CPNE8: variants seen among roughly 807,000 people sequenced by gnomAD.
The protein encoded by CPNE8 is copine-8.
A neutral mutation model predicts 81.5 loss-of-function variants in CPNE8; 45 were observed. That is an observed-to-expected ratio of 0.55 (90% confidence interval 0.44 to 0.71). CPNE8 has a LOEUF of 0.71. CPNE8 is among the 30% of genes least tolerant of loss of function. CPNE8 has a pLI of 0.00. For synonymous variants in CPNE8, 252 were observed against 226.3 expected (o/e 1.11, Z -1.02); for missense variants, 594 against 672.1 (o/e 0.88, Z 1.28).
intron 10 of CPNE8, among the ~76,000 whole-genome samples, chr12:38,739,112 T>G (rs1941028267): frequency 6.6e-6 from 1 of 152,164 alleles, no homozygotes; most frequent in Non-Finnish European, 1.5e-5. Flanking sequence ...ACGCCCAGCC[T>G]AAAATTACTT....
intron 1 of CPNE8, among the ~76,000 whole-genome samples, chr12:38,875,124 A>G (rs1276865437): frequency 2.1e-4 from 32 of 152,106 alleles, no homozygotes; most frequent in Non-Finnish European, 2.9e-5. Flanking sequence ...TTTTTTCCAG[A>G]TATTTCTAAA....
At chr12:38,791,329 C>T (rs1216998116) in intron 6 of CPNE8, among the ~76,000 whole-genome samples, 1 of 151,378 alleles carries the variant, frequency 6.6e-6, no homozygotes, top group East Asian at 1.9e-4. Flanking sequence ...TTAGCTTTAA[C>T]TTATGAAACA....
At chr12:38,795,992 T>C (rs1227453546) in intron 6 of CPNE8, among the ~76,000 whole-genome samples, 1 of 152,028 alleles carries the variant, frequency 6.6e-6, no homozygotes, top group Non-Finnish European at 1.5e-5. Flanking sequence ...CCAGGAACGG[T>C]GGTCACGCCT....
At chr12:38,739,056 C>T (rs1409051521) in intron 10 of CPNE8, among the ~76,000 whole-genome samples, 1 of 152,084 alleles carries the variant, frequency 6.6e-6, no homozygotes, top group Non-Finnish European at 1.5e-5. Flanking sequence ...CAAGAGATCG[C>T]CTGCCTTGGC....
At chr12:38,712,001 C>T (rs1002793442) in intron 13 of CPNE8, among the ~76,000 whole-genome samples, 9 of 152,044 alleles carry the variant, frequency 5.9e-5, no homozygotes, top group African/African-American at 2.2e-4. Context: ...CTACTCAGCA[C>T]CACAGAGTTT....
intron 15 of CPNE8, 50 bp downstream of exon 15, chr12:38,693,607 G>T (rs1939726630): frequency 1.4e-6 from 2 of 1,477,650 alleles, no homozygotes; most frequent in Non-Finnish European, 9.3e-7. Context: ...AATATTAAAA[G>T]GTCTAACATT....
At chr12:38,776,721 G>T (rs1050923264) in intron 6 of CPNE8, among the ~76,000 whole-genome samples, 1 of 151,958 alleles carries the variant, frequency 6.6e-6, no homozygotes, top group African/African-American at 2.4e-5. Context: ...TAATGTAATA[G>T]TTATGCATCA....
chr12:38,830,795 T>C (rs1271854219), intron 5 of CPNE8, among the ~76,000 whole-genome samples: 1 of 152,186 alleles, frequency 6.6e-6, no homozygotes, highest in East Asian at 1.9e-4. Context: ...ATTTCTCAGA[T>C]AAGGGAACTG....
chr12:38,824,834 G>C (rs17126711), intron 6 of CPNE8, among the ~76,000 whole-genome samples: 1,643 of 152,238 alleles, frequency 0.011, 23 homozygotes, highest in South Asian at 0.04. Context: ...CATCCAGATA[G>C]GGAAAATCAC....
At chr12:38,867,337 T>TGAGAGA (rs1442950706) in intron 3 of CPNE8, among the ~76,000 whole-genome samples, 3 of 137,158 alleles carry the variant, frequency 2.2e-5, no homozygotes, top group Non-Finnish European at 4.6e-5. Flanking sequence ...TGTGTGTGTG[T>TGAGAGA]GTGAGAGAGA....
intron 6 of CPNE8, among the ~76,000 whole-genome samples, chr12:38,784,599 G>T (rs185403940): frequency 2.8e-4 from 42 of 152,162 alleles, no homozygotes; most frequent in Admixed American, 2.6e-3. Flanking sequence ...CAAAGGTTAA[G>T]GATAAAGGAA....
chr12:38,902,256 AAAAG>A (rs1230489833), intron 1 of CPNE8, among the ~76,000 whole-genome samples: 3 of 26,972 alleles, frequency 1.1e-4, no homozygotes, highest in Non-Finnish European at 2.1e-4. Flanking sequence ...AAAGAAAGAA[AAAAG>A]AAAGAAAGAA....
At chr12:38,864,678 C>T (rs897750851) in intron 3 of CPNE8, among the ~76,000 whole-genome samples, 1 of 152,100 alleles carries the variant, frequency 6.6e-6, no homozygotes, top group Non-Finnish European at 1.5e-5. Context: ...CATCTCAAAC[C>T]ATATACAAAA....
chr12:38,776,259 T>G lies in CPNE8; in HGVS notation c.450A>C (p.Ala150=). 6.4e-7 allele frequency: 1 copy of G among 1,554,350 alleles called. No homozygotes were observed. The highest frequency in any genetic ancestry group is 8.7e-7 in the Non-Finnish European group (1 of 1,143,202). The part of the protein sequence containing the change: ...GKKCGTIILT[A]EELNCCRDAV... Reference sequence around the variant, plus strand: ...TTACCCTGCAACAGTTTAATTCCTCTGCTGTAAGTATGATTGTACCACATT... The same window carrying G: ...TTACCCTGCAACAGTTTAATTCCTCGGCTGTAAGTATGATTGTACCACATT... The change falls in exon 7 of 20, where the codon GCA becomes GCC. Residue 150 remains alanine, a synonymous_variant. Transcript: ENST00000331366.
chr12:38,877,024 A>G (rs1033502942), intron 1 of CPNE8, among the ~76,000 whole-genome samples: 1 of 152,194 alleles, frequency 6.6e-6, no homozygotes. Flanking sequence ...GGGCTCAGAG[A>G]AAGTGAGTGA....
intron 5 of CPNE8, among the ~76,000 whole-genome samples, chr12:38,837,281 A>C (rs1321250459): frequency 6.6e-6 from 1 of 152,118 alleles, no homozygotes; most frequent in Admixed American, 6.5e-5. Flanking sequence ...TTTCTAACTG[A>C]GTAAACTGTG....
intron 5 of CPNE8, among the ~76,000 whole-genome samples, chr12:38,835,188 G>A (rs938680951): frequency 1.1e-4 from 16 of 152,022 alleles, no homozygotes; most frequent in Non-Finnish European, 1.9e-4. Flanking sequence ...CCTGGCCCCA[G>A]ACTCTTTCTT....
chr12:38,900,964 A>G (rs116377466), intron 1 of CPNE8, among the ~76,000 whole-genome samples: 8,141 of 152,236 alleles, frequency 0.053, 696 homozygotes, highest in African/African-American at 0.18. Context: ...GCTCAGGCCT[A>G]TAATCCCAGC....
chr12:38,664,053 G>T (rs1304065878), intron 19 of CPNE8, among the ~76,000 whole-genome samples: 2 of 151,992 alleles, frequency 1.3e-5, no homozygotes, highest in Admixed American at 6.6e-5. Context: ...AAATTCTGTT[G>T]TTCTCTAGCA....
Sources: gnomAD v4.1 joint callset for allele counts (sites outside exome capture counted in the v4.1 genomes callset) on GRCh38, gnomAD v4.1.1 for gene constraint, MANE v1.5 for transcripts, NCBI Gene and HGNC (gene_info 2026-07-23, HGNC 2026-07-21) for gene names.